RPS6KB1: variants seen among roughly 807,000 people sequenced by gnomAD.
RPS6KB1 encodes ribosomal protein S6 kinase B1.
In RPS6KB1, 12 loss-of-function variants were observed where a neutral mutation model predicts 70.2. That is an observed-to-expected ratio of 0.17 (90% CI 0.11 to 0.28). RPS6KB1 has a LOEUF of 0.28. Ranked by LOEUF, RPS6KB1 falls within the 10% of genes least tolerant of loss-of-function variation. The pLI, the probability that RPS6KB1 is intolerant of heterozygous loss-of-function variation, is 1.00. For missense variants in RPS6KB1, 270 were observed against 646.6 expected (o/e 0.42, Z 6.32); for synonymous variants, 175 against 211.2 (o/e 0.83, Z 1.49).
At chr17:59,910,755 C>A (rs763043034) in intron 2 of RPS6KB1, 144 bp downstream of exon 2, 26 of 595,974 alleles carry the variant, frequency 4.4e-5, no homozygotes, top group Non-Finnish European at 6.4e-5. Context: ...TTGAATTTGG[C>A]ACCAAAATCT....
chr17:59,896,226 T>A (rs2041552863), intron 1 of RPS6KB1, among the ~76,000 whole-genome samples: 2 of 151,864 alleles, frequency 1.3e-5, no homozygotes, highest in South Asian at 4.1e-4. Context: ...AGAGTCTTGC[T>A]CTATTTGCCC....
chr17:59,908,492 C>T (rs1437573473), intron 1 of RPS6KB1, among the ~76,000 whole-genome samples: 1 of 151,678 alleles, frequency 6.6e-6, no homozygotes, highest in African/African-American at 2.4e-5. Context: ...TGAGCCACTG[C>T]ACCCAGCCGA....
rs1419688435 is a variant in RPS6KB1 at position 59,893,485 on chromosome 17, C to T, written c.141+160C>T. Among the ~76,000 whole-genome samples, 1 of 152,130 alleles carries T rather than the reference C, an allele frequency of 6.6e-6. No individual in the cohort carries two copies. Among genetic ancestry groups the T allele is most frequent in the Non-Finnish European group, 1.5e-5 (1 of 68,022 alleles). On this transcript the variant is annotated intron_variant, in intron 1 of 14. Transcript: ENST00000225577. The surrounding 1 kb of genome is among the most constrained non-coding windows in gnomAD (Gnocchi z 4.1). ...AGGGGAGCGGGCGGGGCGGTCATGGCCCTAGGTGTGAGGCCTCTGCGGGGC... is the reference window on the plus strand; with the variant it reads ...AGGGGAGCGGGCGGGGCGGTCATGGTCCTAGGTGTGAGGCCTCTGCGGGGC...
chr17:59,942,691 T>C (rs1265901050), intron 13 of RPS6KB1, among the ~76,000 whole-genome samples: 2 of 152,180 alleles, frequency 1.3e-5, no homozygotes, highest in Non-Finnish European at 2.9e-5. Context: ...AGTAGTGTTG[T>C]ATCTTATGGG....
chr17:59,915,793 TTTTTTTA>T (rs1222088696), intron 4 of RPS6KB1, among the ~76,000 whole-genome samples: 20 of 131,736 alleles, frequency 1.5e-4, no homozygotes, highest in African/African-American at 4.4e-4. Flanking sequence ...TTTTTTTTTT[TTTTTTTA>T]TTGTGACAGA....
chr17:59,928,451 G>A (rs1286996956), intron 5 of RPS6KB1, among the ~76,000 whole-genome samples: 2 of 151,510 alleles, frequency 1.3e-5, no homozygotes, highest in Non-Finnish European at 2.9e-5. Flanking sequence ...TGCAATCTTG[G>A]GCTCACTACA....
Position 59,934,373 on chromosome 17 carries a change from T to G in RPS6KB1, c.780-61T>G. The G allele has an allele frequency of 6.6e-7, 1 of 1,522,386 alleles. No homozygotes were observed. Among genetic ancestry groups the G allele is most frequent in the Non-Finnish European group, 9.1e-7 (1 of 1,097,600 alleles). The allele number at this position is 1,522,386 out of a possible 1,614,324, so 94.3% of individuals were successfully genotyped here. A position where few individuals can be genotyped will look rare whatever the true frequency, so the allele number is the denominator to read the frequency against. ...TTGACTCTGTATATTGTTTTTAAAA[T>G]TCTAATTCAGATGATATGCAAATGG... On this transcript the variant is annotated intron_variant, in intron 8 of 14. Transcript: ENST00000225577. This position sits in a 1 kb window ranked among gnomAD's most constrained non-coding sequence, Gnocchi z 4.8.
chr17:59,941,869 T>TC (rs1267297467), intron 13 of RPS6KB1, among the ~76,000 whole-genome samples: 1 of 149,766 alleles, frequency 6.7e-6, no homozygotes, highest in African/African-American at 2.5e-5. Flanking sequence ...CTTTTTTTTT[T>TC]TTTTTTTGAG....
chr17:59,938,161 C>CTTTTTTT (rs2044348948), intron 12 of RPS6KB1, among the ~76,000 whole-genome samples: 3 of 81,272 alleles, frequency 3.7e-5, no homozygotes, highest in Non-Finnish European at 5.1e-5. Context: ...TTTCCTTTTT[C>CTTTTTTT]TTTTCTTTCT....
intron 14 of RPS6KB1, 86 bp downstream of exon 14, chr17:59,945,604 A>G (rs1177900268): frequency 1.4e-6 from 1 of 715,502 alleles, no homozygotes; most frequent in African/African-American, 1.8e-5. Context: ...CAAGTTATAT[A>G]AATGAAAGAC....
chr17:59,936,571 T>G, intron 12 of RPS6KB1, 30 bp downstream of exon 12: 6 of 1,569,908 alleles, frequency 3.8e-6, no homozygotes, highest in Non-Finnish European at 5.3e-6. Flanking sequence ...TATAATTGGG[T>G]GCAGTGGCTC....
chr17:59,912,562 G>T, intron 2 of RPS6KB1, 122 bp from the exon 3 acceptor site: 1 of 936,974 alleles, frequency 1.1e-6, no homozygotes. Context: ...ATAATTTGGT[G>T]TCATGTACTT....
chr17:59,926,668 T>C, intron 5 of RPS6KB1, 86 bp downstream of exon 5: 1 of 1,149,422 alleles, frequency 8.7e-7, no homozygotes, highest in Non-Finnish European at 1.3e-6. Flanking sequence ...GAATACTTTT[T>C]CCCATTATGA....
In RPS6KB1 at chr17:59,906,208, C is replaced by T. The variant is rs373893776; in HGVS notation, c.142-4354C>T. Reference sequence around the variant, plus strand: ...TTATTTCTGGGCTCTTAATTCTATTCTGTTGATCTATATGTCTTTCTTTAT... The same window carrying T: ...TTATTTCTGGGCTCTTAATTCTATTTTGTTGATCTATATGTCTTTCTTTAT... On this transcript the variant is annotated intron_variant, in intron 1 of 14. Transcript: ENST00000225577. 4.3e-4 allele frequency among the ~76,000 whole-genome samples: 65 copies of T among 152,216 alleles called. 1 individual carries two copies. Among genetic ancestry groups the T allele is most frequent in the African/African-American group, 1.6e-3 (65 of 41,550 alleles).
chr17:59,946,932 C>A lies in RPS6KB1; in HGVS notation c.*144C>A. The A allele has an allele frequency of 6.8e-7, 1 of 1,472,762 alleles. No homozygotes were observed. The highest frequency in any genetic ancestry group is 1.5e-5 in the South Asian group (1 of 67,730). 91.2% of individuals were successfully genotyped at this position (1,472,762 alleles called of 1,614,324 possible). On this transcript the variant is annotated 3_prime_UTR_variant, in exon 15 of 15. Coordinates refer to ENST00000225577, the MANE Select transcript of RPS6KB1 (RefSeq NM_003161.4). This position sits in a 1 kb window ranked among gnomAD's most constrained non-coding sequence, Gnocchi z 4.2. ...ACACTTCAGACACAGGAAAAATAAA[C>A]GTGGATTTTAAAAAATCAATCAATG...
At chr17:59,941,635 ATTTT>A (rs1382781597) in intron 13 of RPS6KB1, among the ~76,000 whole-genome samples, 1 of 134,344 alleles carries the variant, frequency 7.4e-6, no homozygotes. Flanking sequence ...TAAGTAGGGG[ATTTT>A]TTTTTTTTTT....
chr17:59,893,740 G>C lies in RPS6KB1; in HGVS notation c.141+415G>C. 1.0e-6 allele frequency: 1 copy of C among 992,136 alleles called. No homozygotes were observed. Among genetic ancestry groups the C allele is most frequent in the Non-Finnish European group, 1.2e-6 (1 of 831,822 alleles). 61.5% of individuals were successfully genotyped at this position (992,136 alleles called of 1,614,324 possible). A position where few individuals can be genotyped will look rare whatever the true frequency, so the allele number is the denominator to read the frequency against. On this transcript the variant is annotated intron_variant, in intron 1 of 14. Coordinates refer to ENST00000225577, the MANE Select transcript of RPS6KB1 (RefSeq NM_003161.4). This position sits in a 1 kb window ranked among gnomAD's most constrained non-coding sequence, Gnocchi z 4.1. The stretch of plus-strand genomic sequence containing the variant: ...CTTCGAGTCTAGAATTTCAAGTATT[G>C]AATCTTCAGACCTCCCACAACCACC...
In RPS6KB1 at chr17:59,893,472, G is replaced by A. The variant is rs2041261681; in HGVS notation, c.141+147G>A. Reference sequence around the variant, plus strand: ...CGCGGCCTGAGACAGGGGAGCGGGCGGGGCGGTCATGGCCCTAGGTGTGAG... The same window carrying A: ...CGCGGCCTGAGACAGGGGAGCGGGCAGGGCGGTCATGGCCCTAGGTGTGAG... On this transcript the variant is annotated intron_variant, in intron 1 of 14. Transcript: ENST00000225577. The surrounding 1 kb of genome is among the most constrained non-coding windows in gnomAD (Gnocchi z 4.1). 1 of 867,200 alleles carries A rather than the reference G, an allele frequency of 1.2e-6. No individual in the cohort carries two copies. Among genetic ancestry groups the A allele is most frequent in the Non-Finnish European group, 1.8e-6 (1 of 569,814 alleles). 53.7% of individuals were successfully genotyped at this position (867,200 alleles called of 1,614,324 possible).
rs11390348 is a variant in RPS6KB1, at chr17:59,932,550, C to CTTT, written c.688+844_688+846dup. Among the ~76,000 whole-genome samples, 154 of 130,260 alleles carry CTTT rather than the reference C, an allele frequency of 1.2e-3. 1 individual carries two copies. The highest frequency in any genetic ancestry group is 2.0e-3 in the Non-Finnish European group (122 of 62,238). The allele number at this position is 130,260 out of a possible 152,430, so 85.5% of individuals were successfully genotyped here. On this transcript the variant is annotated intron_variant, in intron 7 of 14. Transcript: ENST00000225577. ...ATGATGTTTAGTAGGCATCAGGTTACTTTTTTTTTTTTTTTTTTGAGATGG... is the reference window on the plus strand; with the variant it reads ...ATGATGTTTAGTAGGCATCAGGTTACTTTTTTTTTTTTTTTTTTTTTGAGATGG...
Sources: gnomAD v4.1 joint callset for allele counts (sites outside exome capture counted in the v4.1 genomes callset) on GRCh38, gnomAD v4.1.1 for gene constraint, Gnocchi (gnomAD v3.1) non-coding constraint, MANE v1.5 for transcripts, NCBI Gene and HGNC (gene_info 2026-07-23, HGNC 2026-07-21) for gene names.